Variants in JAM3 observed in about 807,000 individuals in gnomAD.
The protein encoded by JAM3 is junctional adhesion molecule C.
JAM3 carries 31 observed loss-of-function variants against 39.4 expected under a neutral mutation model. That is an observed-to-expected ratio of 0.79 (90% CI 0.59 to 1.06). JAM3 has a LOEUF of 1.06. Among genes scored for constraint, JAM3 ranks in the 50% least tolerant of loss-of-function variants. The pLI is 0.00. For missense variants in JAM3, 455 were observed against 391.4 expected (o/e 1.16, Z -1.37); for synonymous variants, 182 against 148.7 (o/e 1.22, Z -1.63).
At chr11:134,100,269 C>T (rs551954950) in intron 1 of JAM3, among the ~76,000 whole-genome samples, 26 of 152,224 alleles carry the variant, frequency 1.7e-4, no homozygotes, top group African/African-American at 5.5e-4. Context: ...CTCTGCAGAG[C>T]CCTGTGTCTT....
At chr11:134,076,626 CT>C (rs1261290777) in intron 1 of JAM3, among the ~76,000 whole-genome samples, 2 of 152,090 alleles carry the variant, frequency 1.3e-5, no homozygotes, top group Admixed American at 6.5e-5. Context: ...TGATATTAAT[CT>C]GTGAAAATCT....
intron 3 of JAM3, among the ~76,000 whole-genome samples, chr11:134,142,244 C>T (rs1314257185): frequency 6.6e-6 from 1 of 152,094 alleles, no homozygotes; most frequent in Non-Finnish European, 1.5e-5. Flanking sequence ...TGCCGGGGTT[C>T]GGGGAGGATG....
At chr11:134,108,423 C>T (rs1942243753) in intron 1 of JAM3, among the ~76,000 whole-genome samples, 1 of 152,048 alleles carries the variant, frequency 6.6e-6, no homozygotes, top group African/African-American at 2.4e-5. Flanking sequence ...AATTATTTCC[C>T]AAAGTATTCT....
At chr11:134,071,314 A>C (rs911006892) in intron 1 of JAM3, among the ~76,000 whole-genome samples, 1 of 152,134 alleles carries the variant, frequency 6.6e-6, no homozygotes, top group Admixed American at 6.5e-5. Context: ...CCTTGTCGGG[A>C]GTGTTATCCT....
At chr11:134,096,537 C>T (rs1941987617) in intron 1 of JAM3, among the ~76,000 whole-genome samples, 1 of 152,144 alleles carries the variant, frequency 6.6e-6, no homozygotes, top group Non-Finnish European at 1.5e-5. Flanking sequence ...TTAATTTCTT[C>T]TCAAATCCAG....
chr11:134,148,886 C>A, intron 8 of JAM3, 68 bp downstream of exon 8: 1 of 1,505,928 alleles, frequency 6.6e-7, no homozygotes, highest in South Asian at 1.1e-5. Flanking sequence ...CCCTTGGAAA[C>A]CACACGGGTC....
At chr11:134,144,691 C>G in intron 4 of JAM3, 101 bp from the exon 5 acceptor site, 1 of 1,119,118 alleles carries the variant, frequency 8.9e-7, no homozygotes, top group Non-Finnish European at 1.4e-6. Context: ...GTGGGAACCC[C>G]TCGACTGGCT....
At chr11:134,111,115 T>C (rs1468807350) in intron 1 of JAM3, among the ~76,000 whole-genome samples, 1 of 143,550 alleles carries the variant, frequency 7.0e-6, no homozygotes, top group African/African-American at 2.6e-5. Flanking sequence ...GCCTGTACCA[T>C]ACCCAACACA....
At chr11:134,114,095 C>G (rs1004785535) in intron 1 of JAM3, among the ~76,000 whole-genome samples, 5 of 151,878 alleles carry the variant, frequency 3.3e-5, no homozygotes, top group Non-Finnish European at 5.9e-5. Flanking sequence ...GGATATTAGC[C>G]CTTTGTCAGA....
At position 134,101,344 on chromosome 11, in the gene JAM3, C is replaced by T. The variant is rs1299285838; in HGVS notation, c.76+32185C>T. Among the ~76,000 whole-genome samples, 8 of 152,150 alleles carry T rather than the reference C, an allele frequency of 5.3e-5. No homozygotes were observed. In the East Asian group the frequency reaches 9.6e-4, roughly 18 times the overall value. On this transcript the variant is annotated intron_variant, in intron 1 of 8. Coordinates refer to ENST00000299106, the MANE Select transcript of JAM3 (RefSeq NM_032801.5). Reference sequence around the variant, plus strand: ...AAACACTGAATCTTTTCAAGGAGGACAGCTATTTAACTATAAGTAGAGTCA... The same window carrying T: ...AAACACTGAATCTTTTCAAGGAGGATAGCTATTTAACTATAAGTAGAGTCA...
chr11:134,104,880 A>G (rs950302542), intron 1 of JAM3, among the ~76,000 whole-genome samples: 7 of 152,188 alleles, frequency 4.6e-5, no homozygotes, highest in Non-Finnish European at 1.0e-4. Context: ...ACCAACCAAA[A>G]AAAAGCCCAG....
intron 1 of JAM3, among the ~76,000 whole-genome samples, chr11:134,083,385 T>G (rs1941696672): frequency 6.6e-6 from 1 of 152,220 alleles, no homozygotes; most frequent in Non-Finnish European, 1.5e-5. Flanking sequence ...GGATTTGGAC[T>G]TTATGGAAGC....
chr11:134,131,453 C>G (rs1355056694), intron 1 of JAM3, among the ~76,000 whole-genome samples: 1 of 152,018 alleles, frequency 6.6e-6, no homozygotes, highest in Non-Finnish European at 1.5e-5. Flanking sequence ...GGGGGACAAT[C>G]TGATTTCCAG....
intron 1 of JAM3, among the ~76,000 whole-genome samples, chr11:134,080,304 A>C (rs949697385): frequency 6.6e-6 from 1 of 152,232 alleles, no homozygotes; most frequent in Admixed American, 6.5e-5. Flanking sequence ...AACGTCAGTG[A>C]AATAGCTTAG....
chr11:134,135,384 T>G (rs1414678895), intron 1 of JAM3, among the ~76,000 whole-genome samples: 4 of 152,208 alleles, frequency 2.6e-5, no homozygotes, highest in Admixed American at 6.5e-5. Context: ...ATGTCTGTCT[T>G]TATGCTGTGG....
At chr11:134,146,458 G>A (rs1021436107) in intron 6 of JAM3, among the ~76,000 whole-genome samples, 1 of 152,084 alleles carries the variant, frequency 6.6e-6, no homozygotes, top group African/African-American at 2.4e-5. Context: ...TTAGCCCCTA[G>A]AGTAATGTTA....
At chr11:134,124,153 C>T (rs11223702) in intron 1 of JAM3, 88,383 of 1,461,926 alleles carry the variant, frequency 0.06, 3,238 homozygotes, top group African/African-American at 0.14. Flanking sequence ...AGGTGGATTC[C>T]TTCTTTTTCA....
rs1204387595 is a variant in JAM3 at position 134,149,797 on chromosome 11, A to G, written c.*616A>G. On this transcript the variant is annotated 3_prime_UTR_variant, in exon 9 of 9. Transcript: ENST00000299106. ...AGGTAAATTGGTTGCTGGAAGAGGG[A>G]TCTTGCCTGAGGAACCCTGCTTGTC... 2 of 404,314 alleles carry G rather than the reference A, an allele frequency of 4.9e-6. No individual in the cohort carries two copies. The highest frequency in any genetic ancestry group is 1.0e-5 in the Non-Finnish European group (2 of 199,948). The allele number at this position is 404,314 out of a possible 1,614,324, so 25.0% of individuals were successfully genotyped here.
chr11:134,089,849 G>T (rs1434329209), intron 1 of JAM3, among the ~76,000 whole-genome samples: 1 of 152,152 alleles, frequency 6.6e-6, no homozygotes, highest in Non-Finnish European at 1.5e-5. Context: ...GGGTCAAATG[G>T]TATTTCTAGT....
Sources: allele counts gnomAD v4.1 joint callset (sites outside exome capture counted in the v4.1 genomes callset), GRCh38; gene constraint gnomAD v4.1.1; transcripts MANE v1.5; gene names NCBI Gene and HGNC (gene_info 2026-07-23, HGNC 2026-07-21).